Variants in CBLB observed in about 807,000 individuals in gnomAD.
CBLB encodes the protein Cbl proto-oncogene B, also known as E3 ubiquitin-protein ligase CBL-B.
In CBLB, 31 loss-of-function variants were observed where a neutral mutation model predicts 104.9. That is an observed-to-expected ratio of 0.30 (90% CI 0.22 to 0.40). CBLB has a LOEUF of 0.40. CBLB is among the 10% of genes least tolerant of loss of function. The pLI is 1.00. For missense variants in CBLB, 1,062 were observed against 1,214.6 expected, an observed-to-expected ratio of 0.87 and a Z score of 1.87; for synonymous variants, 440 against 422.6, an observed-to-expected ratio of 1.04 and a Z score of -0.51.
At chr3:105,785,925 A>C (rs1230372474) in intron 3 of CBLB, among the ~76,000 whole-genome samples, 1 of 152,148 alleles carries the variant, frequency 6.6e-6, no homozygotes, top group Non-Finnish European at 1.5e-5. Flanking sequence ...GTGCAAGTGC[A>C]TATCAAGTGC....
intron 6 of CBLB, among the ~76,000 whole-genome samples, chr3:105,742,921 T>C (rs1468031010): frequency 2.0e-5 from 3 of 152,222 alleles, no homozygotes; most frequent in African/African-American, 4.8e-5. Flanking sequence ...TGTTTTGGGA[T>C]GGTGTTTCTA....
At chr3:105,799,967 C>T (rs1252741398) in intron 3 of CBLB, among the ~76,000 whole-genome samples, 3 of 152,014 alleles carry the variant, frequency 2.0e-5, no homozygotes, top group Non-Finnish European at 1.5e-5. Context: ...ACTAAGCAGC[C>T]AGGGACATAA....
At chr3:105,746,508 C>CTAT (rs1474154865) in intron 5 of CBLB, among the ~76,000 whole-genome samples, 2 of 152,186 alleles carry the variant, frequency 1.3e-5, no homozygotes, top group African/African-American at 2.4e-5. Flanking sequence ...CTCCAGCCTG[C>CTAT]TATTGTCTTG....
At chr3:105,707,933 T>G (rs1576500158) in intron 10 of CBLB, among the ~76,000 whole-genome samples, 1 of 152,276 alleles carries the variant, frequency 6.6e-6, no homozygotes, top group East Asian at 1.9e-4. Context: ...GCTGTCTTTT[T>G]GTAATAGCTG....
At chr3:105,844,473 TG>T (rs1016798918) in intron 3 of CBLB, among the ~76,000 whole-genome samples, 1 of 152,228 alleles carries the variant, frequency 6.6e-6, no homozygotes, top group Admixed American at 6.5e-5. Context: ...ATGTTTCCAC[TG>T]AACAACAGAG....
At chr3:105,688,338 AC>A (rs1218140873) in intron 13 of CBLB, among the ~76,000 whole-genome samples, 1 of 151,790 alleles carries the variant, frequency 6.6e-6, no homozygotes, top group African/African-American at 2.4e-5. Flanking sequence ...ATGCATAGTC[AC>A]CACCCCCCCC....
intron 3 of CBLB, among the ~76,000 whole-genome samples, chr3:105,786,068 G>GGGGC (rs201171138): frequency 6.7e-6 from 1 of 148,582 alleles, no homozygotes; most frequent in African/African-American, 2.5e-5. Context: ...GATCGGGGGG[G>GGGGC]GGAAAGTGGG....
intron 4 of CBLB, among the ~76,000 whole-genome samples, chr3:105,754,113 C>T (rs902645721): frequency 4.6e-5 from 7 of 151,984 alleles, no homozygotes; most frequent in African/African-American, 1.5e-4. Context: ...CAGCAAAACA[C>T]CCATTATTGT....
At chr3:105,841,488 T>C (rs972700126) in intron 3 of CBLB, among the ~76,000 whole-genome samples, 37 of 151,852 alleles carry the variant, frequency 2.4e-4, no homozygotes, top group African/African-American at 8.7e-4. Flanking sequence ...GGTCTCACTG[T>C]ATTGCCCAGG....
rs916111948 is a variant in CBLB, at chr3:105,720,346, A to C, written c.1204-96T>G. The C allele has an allele frequency of 1.1e-5, 13 of 1,211,386 alleles. No individual in the cohort carries two copies. The African/African-American group carries it at 1.5e-4, about 14-fold the overall frequency. The allele number at this position is 1,211,386 out of a possible 1,614,324, so 75.0% of individuals were successfully genotyped here. A position where few individuals can be genotyped will look rare whatever the true frequency, so the allele number is the denominator to read the frequency against. On this transcript the variant is annotated intron_variant, in intron 9 of 18. Transcript: ENST00000394030. ...CTACAACTATAAAAGTCACACCCCC[A>C]AAAAGACTTTTTGGGGTAGGAGGTG...
At chr3:105,830,703 G>C (rs1270063507) in intron 3 of CBLB, among the ~76,000 whole-genome samples, 1 of 152,130 alleles carries the variant, frequency 6.6e-6, no homozygotes, top group East Asian at 1.9e-4. Context: ...AAGAAAGTAA[G>C]ACACATGCCA....
At position 105,761,480 on chromosome 3, in the gene CBLB, C is replaced by T. The variant is rs140241085; in HGVS notation, c.567-9862G>A. Among the ~76,000 whole-genome samples the T allele has an allele frequency of 2.3e-4, 35 of 152,264 alleles. No individual in the cohort carries two copies. In the East Asian group the frequency reaches 6.8e-3, roughly 29 times the overall value. ...TGGGGGCAGTTTCCGACATTCTATT[C>T]TTGTGGTAGTAAATAAGCCACATGA... On this transcript the variant is annotated intron_variant, in intron 4 of 18. Transcript: ENST00000394030.
intron 3 of CBLB, among the ~76,000 whole-genome samples, chr3:105,840,351 T>C (rs2089354249): frequency 1.3e-5 from 2 of 151,558 alleles, no homozygotes; most frequent in Admixed American, 1.3e-4. Flanking sequence ...CTTTAAATAG[T>C]CTTTCTGAAT....
chr3:105,700,651 C>A (rs1374827458), intron 12 of CBLB, among the ~76,000 whole-genome samples: 2 of 152,088 alleles, frequency 1.3e-5, no homozygotes, highest in South Asian at 2.1e-4. Context: ...CCTGAGGAAA[C>A]CTTTAGAGAT....
At chr3:105,660,767 G>A (rs900906013) in intron 18 of CBLB, among the ~76,000 whole-genome samples, 3 of 151,980 alleles carry the variant, frequency 2.0e-5, no homozygotes, top group South Asian at 2.1e-4. Flanking sequence ...AATAATAAAC[G>A]TAAATAATAA....
At chr3:105,752,514 AT>A (rs1486733025) in intron 4 of CBLB, among the ~76,000 whole-genome samples, 1 of 152,158 alleles carries the variant, frequency 6.6e-6, no homozygotes, top group East Asian at 1.9e-4. Context: ...TTAAACTACA[AT>A]TTTTACAACA....
upstream of CBLB, chr3:105,869,170 C>T: frequency 3.4e-6 from 2 of 585,958 alleles, no homozygotes; most frequent in Non-Finnish European, 5.5e-6. Context: ...GCTGCCGCCC[C>T]GTCCACGTCC....
intron 3 of CBLB, among the ~76,000 whole-genome samples, chr3:105,784,535 TAA>T (rs2080724246): frequency 6.6e-6 from 1 of 152,236 alleles, no homozygotes. Flanking sequence ...AAATCTACAT[TAA>T]GTTTCTTATT....
intron 3 of CBLB, among the ~76,000 whole-genome samples, chr3:105,816,717 A>G (rs1467250775): frequency 6.6e-6 from 1 of 152,198 alleles, no homozygotes; most frequent in African/African-American, 2.4e-5. Flanking sequence ...CAAAGTCTCT[A>G]TTTGAAAGTT....
Sources: gnomAD v4.1 joint callset for allele counts (sites outside exome capture counted in the v4.1 genomes callset) on GRCh38, gnomAD v4.1.1 for gene constraint, MANE v1.5 for transcripts, NCBI Gene and HGNC (gene_info 2026-07-23, HGNC 2026-07-21) for gene names.